The following TANGO6 variants were observed in gnomAD, a reference collection of about 807,000 sequenced individuals.
TANGO6 encodes transport and Golgi organization protein 6 homolog.
A neutral mutation model predicts 114.2 loss-of-function variants in TANGO6; 90 were observed. The observed-to-expected ratio is 0.79, with a 90% CI of 0.66 to 0.94. TANGO6 has a LOEUF of 0.94. Ranked by LOEUF, TANGO6 falls within the 40% of genes least tolerant of loss-of-function variation. The pLI is 0.00. For missense variants in TANGO6, 1,274 were observed against 1,315.3 expected (o/e 0.97, Z 0.49); for synonymous variants, 477 against 509.8 (o/e 0.94, Z 0.87).
chr16:69,008,706 G>A (rs1333668408), intron 15 of TANGO6, among the ~76,000 whole-genome samples: 1 of 151,862 alleles, frequency 6.6e-6, no homozygotes, highest in Non-Finnish European at 1.5e-5. Context: ...ACAGTGGCAC[G>A]ATCTCAGCTG....
intron 13 of TANGO6, among the ~76,000 whole-genome samples, chr16:68,928,522 G>A (rs894481067): frequency 2.0e-5 from 3 of 151,826 alleles, no homozygotes; most frequent in East Asian, 1.9e-4. Flanking sequence ...GGATGGTCTC[G>A]ATCTCCTGAC....
intron 8 of TANGO6, 24 bp from the exon 9 acceptor site, chr16:68,902,304 A>G (rs1187675891): frequency 3.1e-6 from 5 of 1,598,088 alleles, no homozygotes; most frequent in Non-Finnish European, 4.3e-6. Context: ...TGACAAGCTC[A>G]TTCATAACTG....
At chr16:68,920,334 A>G (rs1449781759) in intron 12 of TANGO6, among the ~76,000 whole-genome samples, 1 of 152,246 alleles carries the variant, frequency 6.6e-6, no homozygotes, top group Non-Finnish European at 1.5e-5. Flanking sequence ...AACTCTTCCA[A>G]GTAAGGAAAA....
At chr16:68,945,801 C>G (rs1172321899) in intron 14 of TANGO6, among the ~76,000 whole-genome samples, 2 of 151,700 alleles carry the variant, frequency 1.3e-5, no homozygotes, top group Non-Finnish European at 2.9e-5. Context: ...TTCTCCTGCC[C>G]CAGCCTCCTG....
chr16:68,902,654 G>A (rs1449267645), intron 9 of TANGO6, 150 bp downstream of exon 9: 2 of 701,590 alleles, frequency 2.9e-6, no homozygotes, highest in Non-Finnish European at 4.4e-6. Context: ...TAAATGAAAC[G>A]TGAGCCTTAA....
chr16:68,909,396 C>A lies in TANGO6; in HGVS notation c.1986C>A (p.Val662=). The A allele has an allele frequency of 1.3e-6, 2 of 1,529,402 alleles. No homozygotes were observed. The highest frequency in any genetic ancestry group is 1.8e-6 in the Non-Finnish European group (2 of 1,132,692). 94.7% of individuals were successfully genotyped at this position (1,529,402 alleles called of 1,614,324 possible). The part of the protein sequence containing the change: ...ERMSEQIFTN[V]TQVVDFVAAT... ...TGTCTGAGCAGATATTCACAAACGT[C>A]ACTCAGGTCAGTAGTTGCCACATTC... Residue 662 remains valine, a synonymous_variant, in exon 11 of 18, where the codon GTC becomes GTA. Transcript: ENST00000261778.
At chr16:68,962,636 C>T (rs1190313968) in intron 14 of TANGO6, among the ~76,000 whole-genome samples, 1 of 152,082 alleles carries the variant, frequency 6.6e-6, no homozygotes, top group Admixed American at 6.6e-5. Flanking sequence ...TAGTGCATGC[C>T]TATAATCCCA....
At chr16:68,873,467 C>T (rs1199266717) in intron 4 of TANGO6, among the ~76,000 whole-genome samples, 1 of 152,096 alleles carries the variant, frequency 6.6e-6, no homozygotes, top group Non-Finnish European at 1.5e-5. Context: ...GCGCCCACCA[C>T]CACATCTGGC....
intron 15 of TANGO6, among the ~76,000 whole-genome samples, chr16:69,001,533 A>T (rs1964043058): frequency 6.6e-6 from 1 of 152,192 alleles, no homozygotes; most frequent in Admixed American, 6.5e-5. Flanking sequence ...ACACAGACAG[A>T]CAGAAGATTC....
intron 7 of TANGO6, among the ~76,000 whole-genome samples, chr16:68,884,304 G>A (rs1351525278): frequency 2.0e-5 from 3 of 152,136 alleles, no homozygotes; most frequent in African/African-American, 7.2e-5. Context: ...GGTTGACCTG[G>A]CACACAAATA....
At chr16:68,922,202 A>G (rs1597021121) in intron 12 of TANGO6, among the ~76,000 whole-genome samples, 1 of 151,920 alleles carries the variant, frequency 6.6e-6, no homozygotes, top group Non-Finnish European at 1.5e-5. Context: ...TGGAAAAAGC[A>G]TGTATTTAAG....
At chr16:68,876,950 T>A (rs1962372322) in intron 5 of TANGO6, among the ~76,000 whole-genome samples, 1 of 152,342 alleles carries the variant, frequency 6.6e-6, no homozygotes, top group South Asian at 2.1e-4. Context: ...CACATTTGAG[T>A]TGTTTCCATT....
intron 11 of TANGO6, among the ~76,000 whole-genome samples, chr16:68,916,551 C>G (rs1963008399): frequency 1.3e-5 from 2 of 149,498 alleles, no homozygotes; most frequent in Admixed American, 1.3e-4. Context: ...TACTGTCAAT[C>G]ATTTGCACAG....
Position 68,858,088 on chromosome 16 carries a change from G to A in TANGO6, c.95-1796G>A, listed in dbSNP as rs1185690569. On this transcript the variant is annotated intron_variant, in intron 1 of 17. Coordinates refer to ENST00000261778, the MANE Select transcript of TANGO6 (RefSeq NM_024562.2). ...AGATTTTTTTTTTTTTTTTGAAACA[G>A]AGTCTCACTCTGTCACCCAGGCTGG... Among the ~76,000 whole-genome samples, 3 of 144,326 alleles carry A rather than the reference G, an allele frequency of 2.1e-5. No homozygotes were observed. The Admixed American group carries it at 2.1e-4, about 10-fold the overall frequency. 94.7% of individuals were successfully genotyped at this position (144,326 alleles called of 152,430 possible).
chr16:68,925,048 C>T (rs141037782), intron 12 of TANGO6, among the ~76,000 whole-genome samples: 191 of 151,068 alleles, frequency 1.3e-3, no homozygotes, highest in African/African-American at 4.2e-3. Context: ...TGGTGGCTCA[C>T]GCCTGTAATC....
rs1962800217 is a variant in TANGO6 at position 68,902,561 on chromosome 16, T to G, written c.1667+57T>G. On this transcript the variant is annotated intron_variant, in intron 9 of 17. Transcript: ENST00000261778. ...AGATTTAGTTCCGCCCAAAAGGCCA[T>G]TCAGTGATTCAACCACTAAGGGGCG... 4.8e-6 allele frequency: 7 copies of G among 1,446,598 alleles called. No homozygotes were observed. The Middle Eastern group carries it at 9.8e-4, about 202-fold the overall frequency. The allele number at this position is 1,446,598 out of a possible 1,614,324, so 89.6% of individuals were successfully genotyped here.
chr16:69,038,822 CACCTGAAGTCAGGAGTTTGAGACCA>C (rs1467738297), intron 16 of TANGO6, among the ~76,000 whole-genome samples: 40 of 152,198 alleles, frequency 2.6e-4, no homozygotes, highest in African/African-American at 9.6e-4. Flanking sequence ...GCGGGCAGAT[CACCTGAAGTCAGGAGTTTGAGACCA>C]ACCTGGCCAA....
At chr16:68,930,325 GTA>G in intron 14 of TANGO6, 30 bp downstream of exon 14, 1 of 1,521,632 alleles carries the variant, frequency 6.6e-7, no homozygotes, top group African/African-American at 1.4e-5. Flanking sequence ...AGGACTTTAA[GTA>G]TGTGGACCAG....
At chr16:68,863,670 C>T (rs567610458) in intron 3 of TANGO6, among the ~76,000 whole-genome samples, 9 of 152,272 alleles carry the variant, frequency 5.9e-5, no homozygotes, top group African/African-American at 2.2e-4. Context: ...GAAACTAGAT[C>T]TTCTCTTTTT....
Sources: gnomAD v4.1 joint callset for allele counts (sites outside exome capture counted in the v4.1 genomes callset) on GRCh38, gnomAD v4.1.1 for gene constraint, MANE v1.5 for transcripts, NCBI Gene and HGNC (gene_info 2026-07-23, HGNC 2026-07-21) for gene names.